The following TOM1L2 variants were observed in gnomAD, a reference collection of about 807,000 sequenced individuals.
The protein encoded by TOM1L2 is target of myb1 like 2 membrane trafficking protein.
Under a neutral mutation model 67.9 loss-of-function variants are expected in TOM1L2, and 31 were observed. The observed-to-expected ratio is 0.46, with a 90% CI of 0.34 to 0.62. TOM1L2 has a LOEUF of 0.62. Among genes scored for constraint, TOM1L2 ranks in the 20% least tolerant of loss-of-function variants. The pLI is 0.01. For missense variants in TOM1L2, 606 were observed against 663.5 expected (o/e 0.91, Z 0.95); for synonymous variants, 256 against 254.0 (o/e 1.01, Z -0.07).
intron 1 of TOM1L2, among the ~76,000 whole-genome samples, chr17:17,962,688 G>A (rs1436351773): frequency 1.3e-5 from 2 of 152,108 alleles, no homozygotes; most frequent in Admixed American, 1.3e-4. Flanking sequence ...GGCCTGGTGT[G>A]GTGGCTCACG....
intron 9 of TOM1L2, 132 bp downstream of exon 9, chr17:17,866,744 A>AC (rs1337948524): frequency 1.0e-6 from 1 of 974,830 alleles, no homozygotes; most frequent in Admixed American, 1.8e-5. Context: ...TATCCCATCA[A>AC]CCAGAGCTTG....
intron 2 of TOM1L2, among the ~76,000 whole-genome samples, chr17:17,903,643 CAG>C (rs2038958646): frequency 6.8e-6 from 1 of 147,880 alleles, no homozygotes; most frequent in Non-Finnish European, 1.5e-5. Flanking sequence ...TTGGGTAAAA[CAG>C]ATGGAAATCC....
Position 17,882,780 on chromosome 17 carries a change from C to T in TOM1L2, c.585G>A (p.Pro195=), listed in dbSNP as rs150404032. ...QRTSAGSYSS[P]PPAPYSAPQA... The stretch of plus-strand genomic sequence containing the variant: ...GCGGTGCGGAGTAGGGAGCAGGAGG[C>T]GGCGAGGAATAGGAACCAGCACTTG... Residue 195 remains proline (P), a synonymous_variant, in exon 6 of 15, where the codon CCG becomes CCA. Transcript: ENST00000379504. 73 of 1,614,028 alleles carry T rather than the reference C, an allele frequency of 4.5e-5. No individual in the cohort carries two copies. The African/African-American group carries it at 6.3e-4, about 14-fold the overall frequency.
At chr17:17,869,830 A>G (rs529934890) in intron 7 of TOM1L2, 46 of 270,340 alleles carry the variant, frequency 1.7e-4, no homozygotes, top group African/African-American at 1.0e-3. Context: ...AGACTGCCTC[A>G]TTCCTTTCTG....
At chr17:17,876,732 A>C (rs1476884195) in intron 7 of TOM1L2, among the ~76,000 whole-genome samples, 2 of 152,236 alleles carry the variant, frequency 1.3e-5, no homozygotes, top group African/African-American at 4.8e-5. Flanking sequence ...CCAGCTCATC[A>C]GTGGGAGGGC....
chr17:17,893,003 G>A (rs935472293), intron 4 of TOM1L2, among the ~76,000 whole-genome samples: 1 of 152,072 alleles, frequency 6.6e-6, no homozygotes. Context: ...GAATTGCCCA[G>A]CCACCTGCTC....
chr17:17,898,736 G>A, intron 2 of TOM1L2, 62 bp from the exon 3 acceptor site: 1 of 1,546,088 alleles, frequency 6.5e-7, no homozygotes, highest in South Asian at 1.1e-5. Context: ...CGATCCTACA[G>A]ATATGTGAAC....
chr17:17,951,646 T>A (rs941748444), intron 1 of TOM1L2, among the ~76,000 whole-genome samples: 1 of 152,230 alleles, frequency 6.6e-6, no homozygotes, highest in African/African-American at 2.4e-5. Flanking sequence ...AGGTCTTGCA[T>A]AGCCTTTTTA....
chr17:17,883,111 A>T (rs941217146), intron 5 of TOM1L2, among the ~76,000 whole-genome samples: 1 of 152,160 alleles, frequency 6.6e-6, no homozygotes, highest in African/African-American at 2.4e-5. Context: ...CAATGAAAGC[A>T]ACTCCAAAAG....
At chr17:17,882,166 A>G (rs1281974621) in intron 6 of TOM1L2, among the ~76,000 whole-genome samples, 1 of 152,196 alleles carries the variant, frequency 6.6e-6, no homozygotes, top group African/African-American at 2.4e-5. Context: ...CTCCCTGATC[A>G]GGTCACAGGC....
At chr17:17,970,070 T>G (rs1286520875) in intron 1 of TOM1L2, among the ~76,000 whole-genome samples, 1 of 152,176 alleles carries the variant, frequency 6.6e-6, no homozygotes, top group African/African-American at 2.4e-5. Flanking sequence ...TTGTTTGTTT[T>G]TTGAGACAGA....
chr17:17,925,210 T>C (rs950131220), intron 1 of TOM1L2, among the ~76,000 whole-genome samples: 2 of 152,186 alleles, frequency 1.3e-5, no homozygotes, highest in African/African-American at 4.8e-5. Flanking sequence ...GTCTCAGGTA[T>C]TTCTTTATGG....
rs1450653449 is a variant in TOM1L2, at chr17:17,930,685, T to C, written c.53-23154A>G. Among the ~76,000 whole-genome samples the C allele has an allele frequency of 2.0e-5, 3 of 152,190 alleles. No individual in the cohort carries two copies. The East Asian group carries it at 5.8e-4, about 29-fold the overall frequency. ...ATTTACTTCCAAAAGGAATTTAGGG[T>C]AATTTTAGTAATAATTTATACCCAA... On this transcript the variant is annotated intron_variant, in intron 1 of 14. Coordinates refer to ENST00000379504, the MANE Select transcript of TOM1L2 (RefSeq NM_001082968.2).
chr17:17,952,085 C>T (rs1347866583), intron 1 of TOM1L2, among the ~76,000 whole-genome samples: 1 of 152,180 alleles, frequency 6.6e-6, no homozygotes, highest in African/African-American at 2.4e-5. Flanking sequence ...GACAAGAAAG[C>T]CACTGCCCAC....
intron 1 of TOM1L2, among the ~76,000 whole-genome samples, chr17:17,952,823 G>A (rs1184892197): frequency 6.6e-6 from 1 of 152,192 alleles, no homozygotes; most frequent in East Asian, 1.9e-4. Flanking sequence ...CTGGGGTAGA[G>A]GAACACTGGA....
intron 2 of TOM1L2, among the ~76,000 whole-genome samples, chr17:17,904,675 G>T (rs986609788): frequency 6.6e-6 from 1 of 152,156 alleles, no homozygotes; most frequent in Non-Finnish European, 1.5e-5. Context: ...GTAAAGTGCA[G>T]ACACCAGAGA....
In TOM1L2 at chr17:17,871,917, CA is replaced by C. The variant is rs2037174288; in HGVS notation, c.778-2445del. On this transcript the variant is annotated intron_variant, in intron 7 of 14. Coordinates refer to ENST00000379504, the MANE Select transcript of TOM1L2 (RefSeq NM_001082968.2). ...AGAGGTGAATACGGGATCTTAATTG[CA>C]GGGGACACTACTATCCAGTAAAGAG... 1.1e-5 allele frequency: 10 copies of C among 913,960 alleles called. No homozygotes were observed. In the South Asian group the frequency reaches 4.5e-4, roughly 41 times the overall value. 56.6% of individuals were successfully genotyped at this position (913,960 alleles called of 1,614,324 possible).
At chr17:17,954,710 G>A (rs750919459) in intron 1 of TOM1L2, among the ~76,000 whole-genome samples, 1 of 152,160 alleles carries the variant, frequency 6.6e-6, no homozygotes, top group Admixed American at 6.5e-5. Context: ...GAAAGGGAGG[G>A]AGAATATGAA....
At chr17:17,971,797 G>A (rs941790719) in intron 1 of TOM1L2, among the ~76,000 whole-genome samples, 5 of 152,252 alleles carry the variant, frequency 3.3e-5, no homozygotes, top group Admixed American at 6.5e-5. Context: ...GGGAAGCCTG[G>A]GGCATCTCCG....
Sources: allele counts gnomAD v4.1 joint callset (sites outside exome capture counted in the v4.1 genomes callset), GRCh38; gene constraint gnomAD v4.1.1; transcripts MANE v1.5; gene names NCBI Gene and HGNC (gene_info 2026-07-23, HGNC 2026-07-21).